Variants in SYNE1 observed in about 807,000 individuals in gnomAD.
SYNE1 encodes the protein spectrin repeat containing nuclear envelope protein 1.
SYNE1 carries 616 observed loss-of-function variants against 1,111.0 expected under a neutral mutation model. That is an observed-to-expected ratio of 0.55 (90% CI 0.52 to 0.59). SYNE1 has a LOEUF of 0.59. Ranked by LOEUF, SYNE1 falls within the 20% of genes least tolerant of loss-of-function variation. SYNE1 has a pLI of 0.00. For missense variants in SYNE1, 10,006 were observed against 10,417.0 expected, an observed-to-expected ratio of 0.96 and a Z score of 1.72; for synonymous variants, 3,855 against 3,825.8, an observed-to-expected ratio of 1.01 and a Z score of -0.28.
chr6:152,408,971 A>G (rs79815047), intron 44 of SYNE1, 97 bp downstream of exon 44: 3 of 1,284,712 alleles, frequency 2.3e-6, no homozygotes, highest in Non-Finnish European at 3.3e-6. Flanking sequence ...AAAAAAAAAA[A>G]GTGAAATTCA....
intron 128 of SYNE1, among the ~76,000 whole-genome samples, chr6:152,186,139 T>C (rs893480265): frequency 6.6e-6 from 1 of 152,032 alleles, no homozygotes; most frequent in Non-Finnish European, 1.5e-5. Context: ...AATAACACAA[T>C]GCCACATAAT....
Position 152,455,902 on chromosome 6 carries a change from A to G in SYNE1, c.2711T>C (p.Ile904Thr). 3.7e-6 allele frequency: 6 copies of G among 1,614,066 alleles called. No homozygotes were observed. Among genetic ancestry groups the G allele is most frequent in the Non-Finnish European group, 5.1e-6 (6 of 1,179,966 alleles). ...GCAAATTACCTGAAAAGCAACATGA[A>G]TATCTGCAATCTGTCTTTGTAGCCT... ...QTRLQRQIAD[I>T]HVAFQSMVKK... Residue 904 changes from isoleucine (I) to threonine (T), a missense_variant, in exon 23 of 146, where the codon ATT (isoleucine) becomes ACT (threonine). Ile to Thr is a moderately conservative substitution (Grantham distance 89). Coordinates refer to ENST00000367255, the MANE Select transcript of SYNE1 (RefSeq NM_182961.4).
chr6:152,123,005 A>T (rs938801136), intron 145 of SYNE1, among the ~76,000 whole-genome samples: 1 of 152,266 alleles, frequency 6.6e-6, no homozygotes, highest in Non-Finnish European at 1.5e-5. Flanking sequence ...AGCATGAATT[A>T]AGTAGATCCA....
At chr6:152,512,894 G>A (rs938845655) in intron 6 of SYNE1, among the ~76,000 whole-genome samples, 8 of 152,100 alleles carry the variant, frequency 5.3e-5, no homozygotes, top group African/African-American at 1.9e-4. Flanking sequence ...AGAGAATGAA[G>A]AATTTCCAGA....
intron 3 of SYNE1, among the ~76,000 whole-genome samples, chr6:152,566,246 C>T (rs1251934828): frequency 6.6e-6 from 1 of 151,990 alleles, no homozygotes; most frequent in African/African-American, 2.4e-5. Context: ...CAAGGGATGA[C>T]GCAAGGTAAC....
rs764796963 is a variant in SYNE1 at position 152,151,637 on chromosome 6, G to T, written c.24366C>A (p.Val8122=). 1 of 1,614,162 alleles carries T rather than the reference G, an allele frequency of 6.2e-7. No homozygotes were observed. ...EFETARDSIL[V]WLTEMDLQLT... is the part of the protein sequence containing the mutation. ...GCTGCAGATCCATCTCTGTGAGCCA[G>T]ACCAGAATGCTGTCCCGCGCAGTCT... Residue 8122 remains valine (V), a synonymous_variant, in exon 135 of 146, where the codon GTC becomes GTA. Coordinates refer to ENST00000367255, the MANE Select transcript of SYNE1 (RefSeq NM_182961.4).
At chr6:152,132,818 G>A (rs1443963255) in intron 143 of SYNE1, among the ~76,000 whole-genome samples, 1 of 150,932 alleles carries the variant, frequency 6.6e-6, no homozygotes, top group East Asian at 1.9e-4. Flanking sequence ...CCACAATGGA[G>A]TTGATTGTAG....
rs199522942 is a variant in SYNE1, at chr6:152,346,203, G to T, written c.12078+856C>A. Among the ~76,000 whole-genome samples the T allele has an allele frequency of 5.3e-5, 8 of 152,044 alleles. No homozygotes were observed. The East Asian group carries it at 1.4e-3, about 26-fold the overall frequency. ...TTTTATTTAGACGGAGTCTCACTTT[G>T]TCCCCCAGGCTGGAGTGCAGTGGCG... On this transcript the variant is annotated intron_variant, in intron 73 of 145. Coordinates refer to ENST00000367255, the MANE Select transcript of SYNE1 (RefSeq NM_182961.4).
At chr6:152,242,806 GA>G (rs918498291) in intron 106 of SYNE1, among the ~76,000 whole-genome samples, 15 of 150,684 alleles carry the variant, frequency 1.0e-4, no homozygotes, top group Admixed American at 3.3e-4. Flanking sequence ...CGGAGAAACT[GA>G]AAAAAAACTG....
At position 152,218,404 on chromosome 6, in the gene SYNE1, C is replaced by T; in HGVS notation, c.22045-1G>A. The T allele has an allele frequency of 6.2e-7, 1 of 1,609,688 alleles. No homozygotes were observed. The highest frequency in any genetic ancestry group is 2.2e-5 in the East Asian group (1 of 44,656). ...AGGTTTCATAATCAAGAACTCCAGCCTTTTTTTCCACAAAAGAAATTGGTA... is the reference window on the plus strand; with the variant it reads ...AGGTTTCATAATCAAGAACTCCAGCTTTTTTTTCCACAAAAGAAATTGGTA... On this transcript the variant is annotated splice_acceptor_variant, in intron 120 of 145. Transcript: ENST00000367255. LOFTEE classifies it high-confidence loss of function.
intron 3 of SYNE1, among the ~76,000 whole-genome samples, chr6:152,621,684 G>A (rs756548136): frequency 1.1e-4 from 16 of 152,018 alleles, no homozygotes; most frequent in South Asian, 2.1e-4. Context: ...TCCATGAAGC[G>A]CGATGGATGA....
intron 102 of SYNE1, among the ~76,000 whole-genome samples, chr6:152,256,409 G>A (rs2090864723): frequency 1.3e-5 from 2 of 151,444 alleles, no homozygotes; most frequent in African/African-American, 4.9e-5. Context: ...CAGCTTGGGT[G>A]ACAGAGTGAG....
At chr6:152,271,674 A>G (rs1222135087) in intron 98 of SYNE1, among the ~76,000 whole-genome samples, 3 of 152,216 alleles carry the variant, frequency 2.0e-5, no homozygotes, top group African/African-American at 7.2e-5. Flanking sequence ...CCACCTTCTA[A>G]GAATAAGCTC....
intron 64 of SYNE1, among the ~76,000 whole-genome samples, chr6:152,359,917 C>A (rs1295927174): frequency 6.6e-6 from 1 of 151,932 alleles, no homozygotes; most frequent in Non-Finnish European, 1.5e-5. Context: ...GTCCTCTAAA[C>A]CATTAGGAAA....
chr6:152,313,890 C>T (rs2095629544), intron 87 of SYNE1, among the ~76,000 whole-genome samples: 1 of 152,132 alleles, frequency 6.6e-6, no homozygotes, highest in Non-Finnish European at 1.5e-5. Context: ...TTTCACTGTG[C>T]CCCATGATGC....
chr6:152,422,155 C>T (rs2098272664), intron 39 of SYNE1, among the ~76,000 whole-genome samples: 1 of 152,222 alleles, frequency 6.6e-6, no homozygotes, highest in African/African-American at 2.4e-5. Flanking sequence ...AACTGAACTA[C>T]AATCCAGAAA....
intron 3 of SYNE1, among the ~76,000 whole-genome samples, chr6:152,563,090 A>G (rs1012500946): frequency 2.0e-5 from 3 of 152,100 alleles, no homozygotes; most frequent in Non-Finnish European, 2.9e-5. Flanking sequence ...AGAGAAAGAG[A>G]CGGAGAAACA....
intron 3 of SYNE1, among the ~76,000 whole-genome samples, chr6:152,568,907 A>T (rs535858724): frequency 6.6e-6 from 1 of 152,378 alleles, no homozygotes; most frequent in East Asian, 1.9e-4. Context: ...TTTAAAAAAC[A>T]ATGAGATAAG....
At chr6:152,491,460 C>T (rs992058951) in intron 11 of SYNE1, among the ~76,000 whole-genome samples, 3 of 152,116 alleles carry the variant, frequency 2.0e-5, no homozygotes, top group Non-Finnish European at 2.9e-5. Flanking sequence ...CCTCCATTCC[C>T]CCTTCTTCTC....
Sources: gnomAD v4.1 joint callset for allele counts (sites outside exome capture counted in the v4.1 genomes callset) on GRCh38, gnomAD v4.1.1 for gene constraint, MANE v1.5 for transcripts, NCBI Gene and HGNC (gene_info 2026-07-23, HGNC 2026-07-21) for gene names.